VRK1: variants seen among roughly 807,000 people sequenced by gnomAD.
VRK1 encodes the protein serine/threonine-protein kinase VRK1.
In VRK1, 33 loss-of-function variants were observed where a neutral mutation model predicts 57.1. That is an observed-to-expected ratio of 0.58 (90% CI 0.44 to 0.77). The LOEUF is 0.77. Among genes scored for constraint, VRK1 ranks in the 30% least tolerant of loss-of-function variants. The probability of loss-of-function intolerance (pLI) is 0.00; values close to 1 mark genes in which losing one functional copy is unlikely to be tolerated. For missense variants in VRK1, 413 were observed against 477.3 expected (o/e 0.87, Z 1.25); for synonymous variants, 137 against 147.8 (o/e 0.93, Z 0.53).
Position 96,874,529 on chromosome 14 carries a change from G to A in VRK1, c.1069-1501G>A, listed in dbSNP as rs1477786606. ...CCCCTTTTCTCATCAGTTATATGAA[G>A]TTATAGCCACTCTTACAGCTATTTT... On this transcript the variant is annotated intron_variant, in intron 11 of 12. Coordinates refer to ENST00000216639, the MANE Select transcript of VRK1 (RefSeq NM_003384.3). 2.0e-5 allele frequency among the ~76,000 whole-genome samples: 3 copies of A among 152,126 alleles called. No homozygotes were observed. In the East Asian group the frequency reaches 5.8e-4, roughly 29 times the overall value.
chr14:96,814,177 G>A (rs544348176), intron 1 of VRK1, among the ~76,000 whole-genome samples: 7 of 152,280 alleles, frequency 4.6e-5, no homozygotes, highest in African/African-American at 1.7e-4. Context: ...GTAAGAACTT[G>A]ATATCAGTAT....
chr14:96,856,560 A>G lies in VRK1; in HGVS notation c.863A>G (p.Lys288Arg), dbSNP rs1310616396. The change falls in exon 10 of 13, where the codon AAA becomes AGA. Residue 288 changes from lysine to arginine, a missense_variant. Physicochemically the swap from Lys to Arg is conservative, Grantham distance 26 (BLOSUM62 2). Transcript: ENST00000216639. ...GAAAATATTGCAAGTTTGATGGACA[A>G]ATGTTTTCCTGAGAAAAACAAACCA... ...YRENIASLMD[K>R]CFPEKNKPGE... 2.4e-5 allele frequency: 38 copies of G among 1,613,762 alleles called. No individual in the cohort carries two copies. The highest frequency in any genetic ancestry group is 3.1e-5 in the Non-Finnish European group (36 of 1,179,832).
chr14:96,841,738 G>A (rs928506691), intron 3 of VRK1, among the ~76,000 whole-genome samples: 8 of 151,942 alleles, frequency 5.3e-5, no homozygotes, highest in African/African-American at 1.9e-4. Context: ...AGGAGGCTGA[G>A]GCAGGAGAAT....
chr14:96,807,443 G>A (rs765085093), intron 1 of VRK1, among the ~76,000 whole-genome samples: 6 of 152,116 alleles, frequency 3.9e-5, no homozygotes, highest in Non-Finnish European at 8.8e-5. Flanking sequence ...TACCACATTG[G>A]TGGCTTTCCT....
At chr14:96,875,354 A>G (rs1888983462) in intron 11 of VRK1, among the ~76,000 whole-genome samples, 1 of 152,202 alleles carries the variant, frequency 6.6e-6, no homozygotes, top group Admixed American at 6.5e-5. Flanking sequence ...GAAAAATAGG[A>G]CAGGCCCAAG....
At chr14:96,879,728 A>G (rs1430804178) in intron 12 of VRK1, among the ~76,000 whole-genome samples, 1 of 152,004 alleles carries the variant, frequency 6.6e-6, no homozygotes, top group Non-Finnish European at 1.5e-5. Context: ...CAGGAGTTCG[A>G]CACCAGCCTG....
chr14:96,853,649 A>ATT (rs58517994), intron 7 of VRK1, among the ~76,000 whole-genome samples: 2 of 148,804 alleles, frequency 1.3e-5, no homozygotes, highest in Admixed American at 1.3e-4. Flanking sequence ...TCAAATGTGC[A>ATT]TTTTTTTTTT....
At chr14:96,875,805 C>A (rs1484691027) in intron 11 of VRK1, among the ~76,000 whole-genome samples, 2 of 152,172 alleles carry the variant, frequency 1.3e-5, no homozygotes, top group Admixed American at 1.3e-4. Flanking sequence ...TATCTACCAT[C>A]TGGGTTAACT....
At chr14:96,880,482 G>T (rs1193273210) in intron 12 of VRK1, among the ~76,000 whole-genome samples, 2 of 152,322 alleles carry the variant, frequency 1.3e-5, no homozygotes, top group East Asian at 3.9e-4. Flanking sequence ...GTACCCAGAG[G>T]TGGAGTAGGA....
chr14:96,873,058 T>C (rs1031569539), intron 11 of VRK1, among the ~76,000 whole-genome samples: 3 of 152,166 alleles, frequency 2.0e-5, no homozygotes, highest in Non-Finnish European at 4.4e-5. Context: ...TTTTGTCTTA[T>C]GGGATGGACA....
chr14:96,817,565 TTAGAG>T (rs1306354096), intron 1 of VRK1, among the ~76,000 whole-genome samples: 1 of 152,160 alleles, frequency 6.6e-6, no homozygotes. Flanking sequence ...TAATTTCCTC[TTAGAG>T]TATTTGGAAA....
intron 10 of VRK1, among the ~76,000 whole-genome samples, chr14:96,857,615 C>A (rs185609869): frequency 2.0e-5 from 3 of 152,104 alleles, no homozygotes; most frequent in African/African-American, 7.2e-5. Context: ...TGGGCCTAGG[C>A]AGAAAGCAGG....
At chr14:96,803,049 C>T (rs1354238621) in intron 1 of VRK1, among the ~76,000 whole-genome samples, 1 of 152,124 alleles carries the variant, frequency 6.6e-6, no homozygotes. Flanking sequence ...ATACACTACC[C>T]ACCAGCTAGT....
intron 1 of VRK1, among the ~76,000 whole-genome samples, chr14:96,812,832 A>G (rs1886256030): frequency 6.6e-6 from 1 of 152,120 alleles, no homozygotes; most frequent in East Asian, 1.9e-4. Flanking sequence ...ATTGGAATAG[A>G]TCATTTGTGG....
At chr14:96,869,629 T>G (rs1419476035) in intron 11 of VRK1, among the ~76,000 whole-genome samples, 1 of 152,240 alleles carries the variant, frequency 6.6e-6, no homozygotes, top group Non-Finnish European at 1.5e-5. Flanking sequence ...AAGTAAAATA[T>G]AGCTCCATAC....
intron 3 of VRK1, among the ~76,000 whole-genome samples, chr14:96,844,214 A>G (rs1476946180): frequency 6.6e-6 from 1 of 152,216 alleles, no homozygotes; most frequent in Non-Finnish European, 1.5e-5. Flanking sequence ...GTCTCTTGCA[A>G]ATGCTTGCAA....
At chr14:96,865,053 C>A (rs1228867084) in intron 11 of VRK1, among the ~76,000 whole-genome samples, 1 of 151,934 alleles carries the variant, frequency 6.6e-6, no homozygotes, top group Non-Finnish European at 1.5e-5. Context: ...AATATGGTAT[C>A]TTTTAATGAA....
chr14:96,862,317 GA>G (rs947736638), intron 11 of VRK1, among the ~76,000 whole-genome samples: 3 of 151,904 alleles, frequency 2.0e-5, no homozygotes, highest in Non-Finnish European at 4.4e-5. Flanking sequence ...TCATTTAGGG[GA>G]AAAAAATGAA....
intron 11 of VRK1, among the ~76,000 whole-genome samples, chr14:96,870,181 A>G (rs546965863): frequency 3.9e-5 from 6 of 152,128 alleles, no homozygotes; most frequent in Non-Finnish European, 8.8e-5. Context: ...TAACTTTTGC[A>G]GCATGCCTGT....
Sources: gnomAD v4.1 joint callset for allele counts (sites outside exome capture counted in the v4.1 genomes callset) on GRCh38, gnomAD v4.1.1 for gene constraint, MANE v1.5 for transcripts, NCBI Gene and HGNC (gene_info 2026-07-23, HGNC 2026-07-21) for gene names.